ANO10: variants seen among roughly 807,000 people sequenced by gnomAD.
ANO10 encodes the protein anoctamin 10.
ANO10 carries 77 observed loss-of-function variants against 74.7 expected under a neutral mutation model. That is an observed-to-expected ratio of 1.03 (90% CI 0.86 to 1.25). ANO10 has a LOEUF of 1.25. Ranked by LOEUF, ANO10 falls within the 50% of genes most tolerant of loss-of-function variation. ANO10 has a pLI of 0.00. For synonymous variants in ANO10, 279 were observed against 284.9 expected (o/e 0.98, Z 0.21); for missense variants, 721 against 778.1 (o/e 0.93, Z 0.87).
intron 11 of ANO10, among the ~76,000 whole-genome samples, chr3:43,534,448 G>A (rs1312780782): frequency 6.6e-6 from 1 of 152,034 alleles, no homozygotes; most frequent in Non-Finnish European, 1.5e-5. Flanking sequence ...ATGTGAGCAT[G>A]TGTGTGTGCA....
intron 6 of ANO10, 77 bp from the exon 7 acceptor site, chr3:43,574,941 G>T (rs2080926077): frequency 2.5e-6 from 3 of 1,212,122 alleles, no homozygotes; most frequent in Non-Finnish European, 2.4e-6. Context: ...AAAGTGAGTT[G>T]CATTGAGGGC....
intron 11 of ANO10, among the ~76,000 whole-genome samples, chr3:43,495,796 T>C (rs1428443037): frequency 6.6e-6 from 1 of 151,758 alleles, no homozygotes; most frequent in East Asian, 1.9e-4. Context: ...TGCTCCTGGG[T>C]TCACACCATT....
At chr3:43,478,517 T>C (rs140154212) in intron 11 of ANO10, among the ~76,000 whole-genome samples, 7 of 152,334 alleles carry the variant, frequency 4.6e-5, no homozygotes, top group Admixed American at 3.9e-4. Context: ...TTCATTTCAC[T>C]GTAGTGACTA....
chr3:43,593,275 C>T (rs997443868), intron 4 of ANO10, among the ~76,000 whole-genome samples: 2 of 152,166 alleles, frequency 1.3e-5, no homozygotes, highest in Non-Finnish European at 2.9e-5. Flanking sequence ...AAAGATACTC[C>T]TCAAGAAGAG....
Position 43,567,923 on chromosome 3 carries a change from T to C in ANO10, c.1219-2196A>G, listed in dbSNP as rs371261331. The stretch of plus-strand genomic sequence containing the variant: ...AAAGACTCAAGACCCATCAGTGTGC[T>C]GTATTCAGGAAACCCATCTCACGTG... On this transcript the variant is annotated intron_variant, in intron 7 of 12. Transcript: ENST00000292246. Among the ~76,000 whole-genome samples, 308 of 152,260 alleles carry C rather than the reference T, an allele frequency of 2.0e-3. 1 individual carries two copies. Among genetic ancestry groups the C allele is most frequent in the South Asian group, 3.1e-3 (15 of 4,820 alleles).
chr3:43,601,429 TC>T (rs1559766538), intron 2 of ANO10, among the ~76,000 whole-genome samples: 1 of 152,130 alleles, frequency 6.6e-6, no homozygotes, highest in Non-Finnish European at 1.5e-5. Context: ...ACTCCTGAGC[TC>T]AAGAGATTCA....
intron 11 of ANO10, among the ~76,000 whole-genome samples, chr3:43,456,510 T>C (rs190278575): frequency 6.6e-6 from 1 of 152,338 alleles, no homozygotes; most frequent in African/African-American, 2.4e-5. Flanking sequence ...AACTTTGGTG[T>C]ATTCAGAAGA....
At chr3:43,417,705 T>C (rs2092762575) in intron 12 of ANO10, among the ~76,000 whole-genome samples, 1 of 152,196 alleles carries the variant, frequency 6.6e-6, no homozygotes, top group South Asian at 2.1e-4. Context: ...AACTGCTATA[T>C]TGCGACCTGA....
At chr3:43,565,055 T>G (rs62252984) in intron 8 of ANO10, among the ~76,000 whole-genome samples, 7 of 152,192 alleles carry the variant, frequency 4.6e-5, no homozygotes, top group Non-Finnish European at 1.0e-4. Context: ...CCTTTGAGAC[T>G]GCTCACCAAC....
chr3:43,608,500 A>G (rs2149503987), intron 1 of ANO10, among the ~76,000 whole-genome samples: 1 of 152,184 alleles, frequency 6.6e-6, no homozygotes, highest in Non-Finnish European at 1.5e-5. Context: ...CTTGGGCTCG[A>G]GTGATCCTTT....
At chr3:43,550,897 T>C (rs2079426728) in intron 10 of ANO10, among the ~76,000 whole-genome samples, 1 of 152,202 alleles carries the variant, frequency 6.6e-6, no homozygotes, top group Non-Finnish European at 1.5e-5. Context: ...ATTTCTTATG[T>C]ATTCTTCCAG....
intron 11 of ANO10, among the ~76,000 whole-genome samples, chr3:43,536,585 T>C (rs1274158118): frequency 6.6e-6 from 1 of 152,170 alleles, no homozygotes; most frequent in Non-Finnish European, 1.5e-5. Flanking sequence ...GATGAGCAGC[T>C]CCTTTAATGG....
intron 12 of ANO10, among the ~76,000 whole-genome samples, chr3:43,421,701 G>C (rs1162679564): frequency 1.3e-5 from 2 of 152,036 alleles, no homozygotes; most frequent in Non-Finnish European, 2.9e-5. Context: ...AGAGAGGTGT[G>C]GTGGCTAACA....
At position 43,671,841 on chromosome 3, in the gene ANO10, A is replaced by T. The variant is rs1472750765; in HGVS notation, c.-12+19676T>A. Among the ~76,000 whole-genome samples the T allele has an allele frequency of 3.9e-5, 6 of 152,328 alleles. No individual in the cohort carries two copies. In the Middle Eastern group the frequency reaches 0.017, roughly 432 times the overall value. Reference sequence around the variant, plus strand: ...ACCTGCAGCATAAGAAATTACATTAAATAAGAGACTTCACTAAGGAGAGAG... The same window carrying T: ...ACCTGCAGCATAAGAAATTACATTATATAAGAGACTTCACTAAGGAGAGAG... On this transcript the variant is annotated intron_variant, in intron 1 of 3. Coordinates refer to the ANO10 transcript ENST00000413397.
In ANO10 at chr3:43,629,554, A is replaced by G. The variant is rs756383039; in HGVS notation, c.-11-23691T>C. On this transcript the variant is annotated intron_variant, in intron 1 of 3. Coordinates refer to the ANO10 transcript ENST00000413397. ...TGTTGAGATACACAGCAGAGACACA[A>G]GGATGGAAGCTGGCTGTTGCAATCT... 8.5e-4 allele frequency among the ~76,000 whole-genome samples: 130 copies of G among 152,360 alleles called. No homozygotes were observed. In the Middle Eastern group the frequency reaches 0.01, roughly 12 times the overall value.
At chr3:43,510,613 T>TAA (rs1458835755) in intron 11 of ANO10, among the ~76,000 whole-genome samples, 2 of 152,254 alleles carry the variant, frequency 1.3e-5, no homozygotes, top group East Asian at 3.9e-4. Flanking sequence ...AATCTCTGTG[T>TAA]ATTATTTCTT....
At chr3:43,675,730 A>G (rs1055780660) in intron 1 of ANO10, among the ~76,000 whole-genome samples, 41 of 152,252 alleles carry the variant, frequency 2.7e-4, no homozygotes, top group African/African-American at 9.6e-4. Flanking sequence ...GCTAAAATAA[A>G]AAAGCCATCA....
chr3:43,666,666 T>C (rs1009469628), intron 1 of ANO10, among the ~76,000 whole-genome samples: 1 of 152,146 alleles, frequency 6.6e-6, no homozygotes, highest in African/African-American at 2.4e-5. Context: ...AGATGGGTAA[T>C]TTATAAATAA....
At chr3:43,655,424 A>G (rs1028002696) in intron 1 of ANO10, among the ~76,000 whole-genome samples, 3 of 152,208 alleles carry the variant, frequency 2.0e-5, no homozygotes, top group Non-Finnish European at 4.4e-5. Context: ...GGACCCAAAG[A>G]GTGAGCAGTA....
Sources: gnomAD v4.1 joint callset for allele counts (sites outside exome capture counted in the v4.1 genomes callset) on GRCh38, gnomAD v4.1.1 for gene constraint, MANE v1.5 for transcripts, NCBI Gene and HGNC (gene_info 2026-07-23, HGNC 2026-07-21) for gene names.